EPHX2: variants seen among roughly 807,000 people sequenced by gnomAD.
EPHX2 encodes the protein epoxide hydrolase 2.
Under a neutral mutation model 78.7 loss-of-function variants are expected in EPHX2, and 74 were observed. That is an observed-to-expected ratio of 0.94 (90% confidence interval 0.78 to 1.14). The LOEUF (loss-of-function observed/expected upper bound fraction) is 1.14. Among genes scored for constraint, EPHX2 ranks in the 50% most tolerant of loss-of-function variants. The pLI is 0.00. For synonymous variants in EPHX2, 251 were observed against 255.2 expected, an observed-to-expected ratio of 0.98 and a Z score of 0.16; for missense variants, 715 against 702.5, an observed-to-expected ratio of 1.02 and a Z score of -0.20.
intron 8 of EPHX2, among the ~76,000 whole-genome samples, chr8:27,517,641 G>C (rs1372470528): frequency 1.3e-5 from 2 of 152,214 alleles, no homozygotes; most frequent in Non-Finnish European, 2.9e-5. Flanking sequence ...ATACACAGTG[G>C]AGAAAGGACA....
At chr8:27,527,178 C>G (rs577870281) in intron 12 of EPHX2, among the ~76,000 whole-genome samples, 3 of 152,120 alleles carry the variant, frequency 2.0e-5, no homozygotes, top group East Asian at 3.9e-4. Flanking sequence ...AGACTGGTCT[C>G]GAACTCCTGA....
At chr8:27,504,914 A>G (rs948642481) in intron 3 of EPHX2, 42 bp from the exon 4 acceptor site, 1 of 1,607,138 alleles carries the variant, frequency 6.2e-7, no homozygotes, top group Non-Finnish European at 8.5e-7. Flanking sequence ...TTTCAGGGCA[A>G]AGGTCTGTAG....
At chr8:27,541,747 G>C (rs907324986) in intron 16 of EPHX2, among the ~76,000 whole-genome samples, 2 of 152,090 alleles carry the variant, frequency 1.3e-5, no homozygotes, top group African/African-American at 4.8e-5. Context: ...TGGGATGGTA[G>C]AGGGTGACCT....
rs561646330 is a variant in EPHX2, at chr8:27,518,131, G to A, written c.945+59G>A. 17 of 1,433,182 alleles carry A rather than the reference G, an allele frequency of 1.2e-5. No individual in the cohort carries two copies. In the African/African-American group the frequency reaches 1.6e-4, roughly 13 times the overall value. The allele number at this position is 1,433,182 out of a possible 1,614,324, so 88.8% of individuals were successfully genotyped here. A position where few individuals can be genotyped will look rare whatever the true frequency, so the allele number is the denominator to read the frequency against. Reference sequence around the variant, plus strand: ...CTGCGATTTTTGTTGCTATAAACCCGAAGCTGGGGTATCCATTCAAATTTT... The same window carrying A: ...CTGCGATTTTTGTTGCTATAAACCCAAAGCTGGGGTATCCATTCAAATTTT... On this transcript the variant is annotated intron_variant, in intron 9 of 18. Coordinates refer to ENST00000521400, the MANE Select transcript of EPHX2 (RefSeq NM_001979.6).
chr8:27,521,168 G>A (rs2132756610), intron 10 of EPHX2, among the ~76,000 whole-genome samples: 1 of 152,228 alleles, frequency 6.6e-6, no homozygotes, highest in Non-Finnish European at 1.5e-5. Flanking sequence ...GACCAGGGAG[G>A]ACAGCCTTGA....
intron 6 of EPHX2, chr8:27,515,507 A>G: frequency 1.8e-6 from 1 of 558,824 alleles, no homozygotes; most frequent in Non-Finnish European, 3.2e-6. Context: ...TTCTTAGGTT[A>G]TGGTGAGAGC....
At chr8:27,548,064 G>A (rs1162649147), downstream of EPHX2, among the ~76,000 whole-genome samples, 2 of 152,124 alleles carry the variant, frequency 1.3e-5, no homozygotes, top group Non-Finnish European at 2.9e-5. Flanking sequence ...GCTCCCGGGA[G>A]GAGGCTGAGA....
At position 27,516,415 on chromosome 8, in the gene EPHX2, G is replaced by A. The variant is rs780873129; in HGVS notation, c.910+17G>A. 6.2e-7 allele frequency: 1 copy of A among 1,612,938 alleles called. No homozygotes were observed. The highest frequency in any genetic ancestry group is 1.1e-5 in the South Asian group (1 of 91,040). ...CTCCTCCCGGTGGGTGTGCTGTCTTGCAGCTGTCTTATGCTGGTCTTGCCT... is the reference window on the plus strand; with the variant it reads ...CTCCTCCCGGTGGGTGTGCTGTCTTACAGCTGTCTTATGCTGGTCTTGCCT... On this transcript the variant is annotated intron_variant, in intron 8 of 18. Coordinates refer to ENST00000521400, the MANE Select transcript of EPHX2 (RefSeq NM_001979.6).
At chr8:27,514,781 G>A (rs964977568) in intron 6 of EPHX2, among the ~76,000 whole-genome samples, 15 of 152,026 alleles carry the variant, frequency 9.9e-5, no homozygotes, top group African/African-American at 3.6e-4. Flanking sequence ...GACACTGGCC[G>A]GAGCTCACTT....
At chr8:27,547,732 A>G (rs1397885926), downstream of EPHX2, among the ~76,000 whole-genome samples, 3 of 151,916 alleles carry the variant, frequency 2.0e-5, no homozygotes, top group African/African-American at 7.3e-5. Flanking sequence ...CCAGCCTCCT[A>G]TCCTCCATTC....
downstream of EPHX2, among the ~76,000 whole-genome samples, chr8:27,547,308 G>A (rs1244526987): frequency 6.6e-6 from 1 of 152,242 alleles, no homozygotes; most frequent in Non-Finnish European, 1.5e-5. Flanking sequence ...AACTGTTGCA[G>A]TGGTGGTATC....
At chr8:27,530,399 C>T (rs957214381) in intron 12 of EPHX2, among the ~76,000 whole-genome samples, 2 of 152,168 alleles carry the variant, frequency 1.3e-5, no homozygotes, top group South Asian at 4.1e-4. Context: ...ATAGCTACTA[C>T]TAATAGTCTG....
rs367634579 is a variant in EPHX2, at chr8:27,525,604, G to A, written c.1170+131G>A. ...ATTAGTCAGAAATGATTTTACAAATGGGCTCAGGTGAAACTGGCTGCCATG... is the reference window on the plus strand; with the variant it reads ...ATTAGTCAGAAATGATTTTACAAATAGGCTCAGGTGAAACTGGCTGCCATG... On this transcript the variant is annotated intron_variant, in intron 12 of 18. Transcript: ENST00000521400. The A allele has an allele frequency of 1.3e-4, 106 of 828,118 alleles. 1 individual carries two copies. The African/African-American group carries it at 1.6e-3, about 12-fold the overall frequency. 51.3% of individuals were successfully genotyped at this position (828,118 alleles called of 1,614,324 possible). A position where few individuals can be genotyped will look rare whatever the true frequency, so the allele number is the denominator to read the frequency against.
chr8:27,541,350 G>A, intron 15 of EPHX2, 123 bp from the exon 16 acceptor site: 2 of 998,626 alleles, frequency 2.0e-6, no homozygotes, highest in Non-Finnish European at 1.5e-6. Flanking sequence ...CTATTCTCTT[G>A]CCCCTGCAGG....
intron 1 of EPHX2, among the ~76,000 whole-genome samples, chr8:27,495,990 G>A (rs1256285729): frequency 6.6e-6 from 1 of 152,158 alleles, no homozygotes; most frequent in Non-Finnish European, 1.5e-5. Context: ...AGAGTGGCCT[G>A]GCCATCTCGC....
At chr8:27,512,020 C>G in intron 6 of EPHX2, 110 bp downstream of exon 6, 1 of 1,108,042 alleles carries the variant, frequency 9.0e-7, no homozygotes, top group Non-Finnish European at 1.4e-6. Context: ...TGAACCTGAG[C>G]CTGGGAAGTG....
At chr8:27,536,903 A>C in intron 13 of EPHX2, 48 bp downstream of exon 13, 1 of 1,602,254 alleles carries the variant, frequency 6.2e-7, no homozygotes, top group Non-Finnish European at 8.5e-7. Context: ...GCAGTTGTGA[A>C]GGAAGTAGGG....
chr8:27,532,195 T>TTCCC (rs1430142794), intron 12 of EPHX2, among the ~76,000 whole-genome samples: 2 of 151,864 alleles, frequency 1.3e-5, no homozygotes, highest in African/African-American at 4.8e-5. Flanking sequence ...CCTGGCCCCT[T>TTCCC]TCCCTCCTCA....
intron 14 of EPHX2, 129 bp from the exon 15 acceptor site, chr8:27,540,425 C>A: frequency 2.8e-6 from 2 of 713,960 alleles, no homozygotes; most frequent in African/African-American, 1.8e-5. Context: ...GATAAGGGAA[C>A]AAAAGATGGA....
Sources: gnomAD v4.1 joint callset for allele counts (sites outside exome capture counted in the v4.1 genomes callset) on GRCh38, gnomAD v4.1.1 for gene constraint, MANE v1.5 for transcripts, NCBI Gene and HGNC (gene_info 2026-07-23, HGNC 2026-07-21) for gene names.